Variants in ZC3H3 observed in about 807,000 individuals in gnomAD.
ZC3H3 encodes the protein zinc finger CCCH-type containing 3.
A neutral mutation model predicts 77.3 loss-of-function variants in ZC3H3; 36 were observed. That is an observed-to-expected ratio of 0.47 (90% CI 0.36 to 0.61). The LOEUF is 0.61. ZC3H3 is among the 20% of genes least tolerant of loss of function. The probability of loss-of-function intolerance (pLI) is 0.00; values close to 1 mark genes in which losing one functional copy is unlikely to be tolerated. For synonymous variants in ZC3H3, 626 were observed against 555.2 expected (o/e 1.13, Z -1.79); for missense variants, 1,331 against 1,312.2 (o/e 1.01, Z -0.22).
At position 143,507,882 on chromosome 8, in the gene ZC3H3, C is replaced by A. The variant is rs550202930; in HGVS notation, c.1579G>T (p.Val527Leu). 2 of 1,601,236 alleles carry A rather than the reference C, an allele frequency of 1.2e-6. No homozygotes were observed. The highest frequency in any genetic ancestry group is 4.5e-5 in the East Asian group (2 of 43,964). Residue 527 changes from valine (V) to leucine (L), a missense_variant, in exon 4 of 12, where the codon GTG becomes TTG. Physicochemically the swap from Val to Leu is conservative, Grantham distance 32 (BLOSUM62 1). Coordinates refer to ENST00000262577, the MANE Select transcript of ZC3H3 (RefSeq NM_015117.3). Reference sequence around the variant, plus strand: ...ACCTTGCTGGTGGGTGCAGTCCGCACGGCATGCAGGCTGGACGCTGTAGAG... The same window carrying A: ...ACCTTGCTGGTGGGTGCAGTCCGCAAGGCATGCAGGCTGGACGCTGTAGAG... ...PTKEASSLHA[V>L]RTAPTSKVIK...
chr8:143,449,367 T>G (rs1385615446), intron 9 of ZC3H3, among the ~76,000 whole-genome samples: 10 of 152,348 alleles, frequency 6.6e-5, no homozygotes, highest in African/African-American at 1.7e-4. Flanking sequence ...TGCTCACACA[T>G]ATGAGCACCG....
intron 3 of ZC3H3, among the ~76,000 whole-genome samples, chr8:143,521,455 G>T (rs62521942): frequency 9.6e-6 from 1 of 103,742 alleles, no homozygotes; most frequent in Non-Finnish European, 2.5e-5. Flanking sequence ...CCAGCAGGCC[G>T]GGAGGACTGG....
rs1156263023 is a variant in ZC3H3, at chr8:143,462,224, G to A, written c.2307+3493C>T. Among the ~76,000 whole-genome samples, 6 of 152,122 alleles carry A rather than the reference G, an allele frequency of 3.9e-5. No homozygotes were observed. Among genetic ancestry groups the A allele is most frequent in the Non-Finnish European group, 7.3e-5 (5 of 68,032 alleles). On this transcript the variant is annotated intron_variant, in intron 9 of 11. Coordinates refer to ENST00000262577, the MANE Select transcript of ZC3H3 (RefSeq NM_015117.3). This position sits in a 1 kb window ranked among gnomAD's most constrained non-coding sequence, Gnocchi z 4.7. ...CTGAGATAGGCAGTGCCGTTATCCC[G>A]ACTGTATATAAAAGGAGACTGAGGC...
rs768676755 is a variant in ZC3H3, at chr8:143,440,979, C to T, written c.2449G>A (p.Asp817Asn). Residue 817 changes from aspartate to asparagine, a missense_variant, in exon 10 of 12, where the codon GAC (aspartate) becomes AAC (asparagine). Physicochemically the swap from Asp to Asn is conservative, Grantham distance 23 (BLOSUM62 1). Transcript: ENST00000262577. ...AATSPAPGPS[D>N]ATARSRVSAS... ...GAGACCCTGCTCCTGGCGGTTGCGT[C>T]GCTGGGCCCTGGGGCGGGGGACGTG... is the stretch of plus-strand genomic sequence containing the variant. 6.2e-6 allele frequency: 9 copies of T among 1,454,558 alleles called. No individual in the cohort carries two copies. Among genetic ancestry groups the T allele is most frequent in the South Asian group, 1.5e-5 (1 of 67,420 alleles). 90.1% of individuals were successfully genotyped at this position (1,454,558 alleles called of 1,614,324 possible).
chr8:143,498,940 T>G (rs185782456), intron 4 of ZC3H3, among the ~76,000 whole-genome samples: 1,399 of 15,104 alleles, frequency 0.093, 35 homozygotes, highest in African/African-American at 0.26. Context: ...CACAGGGCAG[T>G]GCAGGGGGTA....
At chr8:143,452,919 T>C (rs970025098) in intron 9 of ZC3H3, among the ~76,000 whole-genome samples, 17 of 152,136 alleles carry the variant, frequency 1.1e-4, no homozygotes, top group Non-Finnish European at 4.4e-5. Context: ...ACAAATTTGG[T>C]AAAACACATA....
chr8:143,504,048 C>T (rs1177574817), intron 4 of ZC3H3, among the ~76,000 whole-genome samples: 3 of 152,080 alleles, frequency 2.0e-5, no homozygotes, highest in Non-Finnish European at 4.4e-5. Flanking sequence ...AGACTCAGGC[C>T]GGGCACTCAC....
chr8:143,507,018 G>A (rs559724941), intron 4 of ZC3H3, among the ~76,000 whole-genome samples: 13 of 152,228 alleles, frequency 8.5e-5, no homozygotes, highest in Non-Finnish European at 1.8e-4. Context: ...GTCTGCCACT[G>A]CCTGCTTCCC....
At chr8:143,513,383 A>G (rs1331921251) in intron 3 of ZC3H3, among the ~76,000 whole-genome samples, 1 of 152,176 alleles carries the variant, frequency 6.6e-6, no homozygotes, top group Non-Finnish European at 1.5e-5. Context: ...GTGAGCCCAG[A>G]GTCCCCATCT....
At chr8:143,465,236 G>A (rs553574986) in intron 9 of ZC3H3, among the ~76,000 whole-genome samples, 4 of 152,218 alleles carry the variant, frequency 2.6e-5, no homozygotes, top group South Asian at 2.1e-4. Flanking sequence ...CGGCTCAGGC[G>A]GCCCCCTTGG....
At chr8:143,510,517 A>C (rs1170916103) in intron 3 of ZC3H3, among the ~76,000 whole-genome samples, 1 of 152,246 alleles carries the variant, frequency 6.6e-6, no homozygotes, top group African/African-American at 2.4e-5. Context: ...GACTGGCAGG[A>C]GCAAGGGCTC....
intron 4 of ZC3H3, among the ~76,000 whole-genome samples, chr8:143,482,795 C>T (rs1454191539): frequency 2.0e-5 from 3 of 152,298 alleles, no homozygotes; most frequent in East Asian, 1.9e-4. Context: ...AATATGCAGA[C>T]GTGGAAAGAC....
chr8:143,504,474 C>T (rs1362988808), intron 4 of ZC3H3, among the ~76,000 whole-genome samples: 2 of 152,198 alleles, frequency 1.3e-5, no homozygotes, highest in Non-Finnish European at 1.5e-5. Flanking sequence ...AGTCCCATTC[C>T]TCTCAGGACG....
chr8:143,503,555 T>A (rs1294933042), intron 4 of ZC3H3, among the ~76,000 whole-genome samples: 1 of 73,488 alleles, frequency 1.4e-5, no homozygotes, highest in Non-Finnish European at 2.7e-5. Context: ...CCCAGCCATC[T>A]CCCCAACACC....
At chr8:143,468,769 G>A (rs1175983238) in intron 5 of ZC3H3, 110 bp from the exon 6 acceptor site, 28 of 1,375,304 alleles carry the variant, frequency 2.0e-5, no homozygotes, top group Non-Finnish European at 2.5e-5. Context: ...CTCAGCTCAG[G>A]CACAGCCTCC....
intron 5 of ZC3H3, among the ~76,000 whole-genome samples, chr8:143,470,175 GCTA>G (rs1186213974): frequency 6.6e-6 from 1 of 152,216 alleles, no homozygotes; most frequent in Non-Finnish European, 1.5e-5. Flanking sequence ...GTGCTCCCTA[GCTA>G]GGGTCAGTGG....
At chr8:143,453,848 G>T (rs1020850656) in intron 9 of ZC3H3, among the ~76,000 whole-genome samples, 1 of 152,296 alleles carries the variant, frequency 6.6e-6, no homozygotes, top group African/African-American at 2.4e-5. Context: ...TAAGGGAGAT[G>T]AGGGAAGGTA....
intron 3 of ZC3H3, among the ~76,000 whole-genome samples, chr8:143,515,288 C>A (rs34924068): frequency 0.028 from 4,236 of 152,354 alleles, 175 homozygotes; most frequent in African/African-American, 0.096. Flanking sequence ...CGCACTCCCC[C>A]CGCTGCAACG....
At chr8:143,513,074 G>A (rs117974186) in intron 3 of ZC3H3, among the ~76,000 whole-genome samples, 20,948 of 151,876 alleles carry the variant, frequency 0.14, 1,979 homozygotes, top group East Asian at 0.46. Flanking sequence ...GGGGCGGGGG[G>A]CGTGGGAGGA....
Sources: allele counts gnomAD v4.1 joint callset (sites outside exome capture counted in the v4.1 genomes callset), GRCh38; gene constraint gnomAD v4.1.1; non-coding constraint Gnocchi (gnomAD v3.1); transcripts MANE v1.5; gene names NCBI Gene and HGNC (gene_info 2026-07-23, HGNC 2026-07-21).